DIP2B: variants seen among roughly 807,000 people sequenced by gnomAD.
The protein encoded by DIP2B is DIP2 acetate--CoA ligase B (putative), also known as disco-interacting protein 2 homolog B.
A neutral mutation model predicts 198.0 loss-of-function variants in DIP2B; 76 were observed. The observed-to-expected ratio is 0.38, with a 90% CI of 0.32 to 0.46. The LOEUF is 0.46. Among genes scored for constraint, DIP2B ranks in the 20% least tolerant of loss-of-function variants. The pLI, the probability that DIP2B is intolerant of heterozygous loss-of-function variation, is 0.99. For synonymous variants in DIP2B, 701 were observed against 739.1 expected (o/e 0.95, Z 0.84); for missense variants, 1,559 against 1,978.4 (o/e 0.79, Z 4.02).
At chr12:50,671,100 A>G in intron 4 of DIP2B, 86 bp from the exon 5 acceptor site, 1 of 1,336,610 alleles carries the variant, frequency 7.5e-7, no homozygotes. Context: ...CTGGTGTCGA[A>G]ACTGAATGTG....
At chr12:50,640,332 T>C (rs1168619516) in intron 2 of DIP2B, among the ~76,000 whole-genome samples, 2 of 152,142 alleles carry the variant, frequency 1.3e-5, no homozygotes, top group African/African-American at 4.8e-5. Flanking sequence ...CTGTTTTTGC[T>C]TGTATTATGT....
intron 1 of DIP2B, among the ~76,000 whole-genome samples, chr12:50,568,685 C>A (rs915031785): frequency 6.6e-6 from 1 of 152,156 alleles, no homozygotes; most frequent in Non-Finnish European, 1.5e-5. Context: ...ATTTACTCTT[C>A]TTCTTCCTCA....
At chr12:50,637,915 A>G (rs538311044) in intron 2 of DIP2B, among the ~76,000 whole-genome samples, 47 of 152,356 alleles carry the variant, frequency 3.1e-4, no homozygotes, top group Non-Finnish European at 5.3e-4. Context: ...TTCAAACAAT[A>G]GAAACATATT....
At chr12:50,736,929 G>A (rs1592148848) in intron 34 of DIP2B, 107 bp from the exon 35 acceptor site, 6 of 1,039,988 alleles carry the variant, frequency 5.8e-6, no homozygotes, top group East Asian at 2.4e-5. Context: ...CAGCTGGCTC[G>A]CCATGTGTGC....
rs187385153 is a variant in DIP2B at position 50,536,160 on chromosome 12, C to T, written c.100+30920C>T. 1.9e-3 allele frequency among the ~76,000 whole-genome samples: 295 copies of T among 152,056 alleles called. 1 individual carries two copies. The highest frequency in any genetic ancestry group is 6.7e-3 in the African/African-American group (277 of 41,462). Reference sequence around the variant, plus strand: ...TGTGAATAGTGCCGCGATAAACATACGTGTGCATGTGTCTTTATAGCAGCA... The same window carrying T: ...TGTGAATAGTGCCGCGATAAACATATGTGTGCATGTGTCTTTATAGCAGCA... On this transcript the variant is annotated intron_variant, in intron 1 of 37. Transcript: ENST00000301180.
chr12:50,710,500 T>C (rs1939596292), intron 22 of DIP2B, among the ~76,000 whole-genome samples: 1 of 152,102 alleles, frequency 6.6e-6, no homozygotes, highest in Non-Finnish European at 1.5e-5. Context: ...CTTGACTCAC[T>C]GCAACCTCCG....
intron 2 of DIP2B, among the ~76,000 whole-genome samples, chr12:50,626,444 G>A (rs1296791579): frequency 6.6e-6 from 1 of 152,168 alleles, no homozygotes; most frequent in African/African-American, 2.4e-5. Context: ...CTTGAGGATT[G>A]GGGGGTAAAA....
chr12:50,577,828 A>G (rs898490032), intron 1 of DIP2B, among the ~76,000 whole-genome samples: 7 of 152,018 alleles, frequency 4.6e-5, no homozygotes, highest in African/African-American at 1.4e-4. Flanking sequence ...TCATGCAGCT[A>G]TGTAGTTGGA....
chr12:50,708,662 T>G, intron 22 of DIP2B, 100 bp downstream of exon 22: 1 of 885,226 alleles, frequency 1.1e-6, no homozygotes, highest in Non-Finnish European at 1.8e-6. Flanking sequence ...CCTTACTTCT[T>G]GCCAATCATT....
In DIP2B at chr12:50,708,476, T is replaced by A; in HGVS notation, c.2563T>A (p.Tyr855Asn). The change falls in exon 22 of 38, where the codon TAT (tyrosine) becomes AAT (asparagine). Residue 855 changes from tyrosine to asparagine, a missense_variant. Transcript: ENST00000301180. ...TGCTGTGTTTTCTGTGTCTGTATTT[T>A]ATGATGAGCGCATTGTGGTGGTTGC... ...RIAVFSVSVF[Y>N]DERIVVVAEQ... 6.2e-7 allele frequency: 1 copy of A among 1,606,208 alleles called. No homozygotes were observed. Among genetic ancestry groups the A allele is most frequent in the Non-Finnish European group, 8.5e-7 (1 of 1,175,822 alleles).
chr12:50,563,098 G>A (rs1355572217), intron 1 of DIP2B, among the ~76,000 whole-genome samples: 1 of 152,124 alleles, frequency 6.6e-6, no homozygotes, highest in African/African-American at 2.4e-5. Flanking sequence ...CTGTTCATCA[G>A]TTTTCATTTG....
intron 1 of DIP2B, among the ~76,000 whole-genome samples, chr12:50,600,381 CTTG>C (rs1004388714): frequency 1.3e-5 from 2 of 152,068 alleles, no homozygotes; most frequent in African/African-American, 4.8e-5. Context: ...CAGAAATGTC[CTTG>C]TTGTAGCGTG....
At chr12:50,585,577 C>T (rs1463148104) in intron 1 of DIP2B, among the ~76,000 whole-genome samples, 1 of 152,126 alleles carries the variant, frequency 6.6e-6, no homozygotes, top group Non-Finnish European at 1.5e-5. Context: ...CCTTAGAAGA[C>T]TAGGTCAGTA....
intron 21 of DIP2B, 72 bp from the exon 22 acceptor site, chr12:50,708,376 A>C: frequency 7.2e-7 from 1 of 1,397,110 alleles, no homozygotes; most frequent in Non-Finnish European, 9.9e-7. Context: ...TCCTCTCTGT[A>C]ATTCCAGTTA....
intron 1 of DIP2B, among the ~76,000 whole-genome samples, chr12:50,587,680 T>C (rs1381882446): frequency 1.3e-5 from 2 of 152,362 alleles, no homozygotes; most frequent in African/African-American, 4.8e-5. Flanking sequence ...TGAGATCTTA[T>C]ATGGAAGCAA....
chr12:50,708,594 G>C (rs1939557617), intron 22 of DIP2B, 32 bp downstream of exon 22: 2 of 1,535,958 alleles, frequency 1.3e-6, no homozygotes. Context: ...TGTCAGGTCA[G>C]CGGTGGCAGC....
At chr12:50,719,114 T>A in intron 25 of DIP2B, 79 bp downstream of exon 25, 1 of 1,456,792 alleles carries the variant, frequency 6.9e-7, no homozygotes, top group African/African-American at 1.4e-5. Context: ...CTTTCTTTCA[T>A]CAGAAAATTT....
At chr12:50,557,022 T>C (rs1185246339) in intron 1 of DIP2B, among the ~76,000 whole-genome samples, 1 of 152,154 alleles carries the variant, frequency 6.6e-6, no homozygotes, top group Non-Finnish European at 1.5e-5. Context: ...TTTTTTTGTA[T>C]TTTTAATGAA....
At chr12:50,556,688 G>A (rs1958474670) in intron 1 of DIP2B, among the ~76,000 whole-genome samples, 1 of 151,558 alleles carries the variant, frequency 6.6e-6, no homozygotes, top group Non-Finnish European at 1.5e-5. Context: ...GACTACAGGC[G>A]CATGCCACCA....
Sources: allele counts gnomAD v4.1 joint callset (sites outside exome capture counted in the v4.1 genomes callset), GRCh38; gene constraint gnomAD v4.1.1; transcripts MANE v1.5; gene names NCBI Gene and HGNC (gene_info 2026-07-23, HGNC 2026-07-21).